ST7: variants seen among roughly 807,000 people sequenced by gnomAD.
ST7 encodes suppression of tumorigenicity 7, also known as suppressor of tumorigenicity 7 protein.
ST7 carries 28 observed loss-of-function variants against 78.7 expected under a neutral mutation model. The ratio of observed to expected loss-of-function variants is 0.36; its 90% confidence interval spans 0.26 to 0.49. The LOEUF (loss-of-function observed/expected upper bound fraction) is 0.49. Ranked by LOEUF, ST7 falls within the 20% of genes least tolerant of loss-of-function variation. ST7 has a pLI of 0.99. For synonymous variants in ST7, 247 were observed against 249.6 expected (o/e 0.99, Z 0.10); for missense variants, 418 against 696.0 (o/e 0.60, Z 4.49).
rs35196356 is a variant in ST7 at position 117,222,922 on chromosome 7, G to T, written c.1638+860G>T. ...TGGAATTGCAAGAGTATTTTCATGCGTGTTGAAGATGAACTGGAAATCCCT... is the reference window on the plus strand; with the variant it reads ...TGGAATTGCAAGAGTATTTTCATGCTTGTTGAAGATGAACTGGAAATCCCT... On this transcript the variant is annotated intron_variant, in intron 15 of 15. Transcript: ENST00000323984. The T allele has an allele frequency of 9.6e-3, 15,473 of 1,614,050 alleles. 106 individuals are homozygous for T. Among genetic ancestry groups the T allele is most frequent in the Non-Finnish European group, 0.012 (13,636 of 1,179,964 alleles).
chr7:117,137,762 A>G (rs1241861379), intron 8 of ST7, among the ~76,000 whole-genome samples: 2 of 152,212 alleles, frequency 1.3e-5, no homozygotes, highest in Admixed American at 6.5e-5. Context: ...GTCTGAAAAC[A>G]TATCCAACAA....
intron 1 of ST7, among the ~76,000 whole-genome samples, chr7:117,012,660 A>C (rs1048891333): frequency 3.3e-5 from 5 of 152,198 alleles, no homozygotes; most frequent in African/African-American, 4.8e-5. Flanking sequence ...GTAAGTAAGT[A>C]AACCAAGGCT....
chr7:117,065,488 C>T (rs925469271), intron 1 of ST7, among the ~76,000 whole-genome samples: 1 of 152,138 alleles, frequency 6.6e-6, no homozygotes, highest in Non-Finnish European at 1.5e-5. Context: ...GGATTACAGG[C>T]GTGAGCCACT....
At chr7:117,168,605 G>C (rs1807743482) in intron 9 of ST7, among the ~76,000 whole-genome samples, 1 of 152,188 alleles carries the variant, frequency 6.6e-6, no homozygotes, top group African/African-American at 2.4e-5. Context: ...GTGTGGTATA[G>C]TCTTATTCAC....
chr7:116,958,876 A>G (rs957961687), intron 1 of ST7, among the ~76,000 whole-genome samples: 1 of 152,062 alleles, frequency 6.6e-6, no homozygotes, highest in African/African-American at 2.4e-5. Flanking sequence ...TTGCTGGTAG[A>G]GAGTCTTGCC....
At chr7:117,015,120 A>G (rs1259739410) in intron 1 of ST7, 15 of 542,962 alleles carry the variant, frequency 2.8e-5, no homozygotes, top group African/African-American at 3.9e-5. Flanking sequence ...TACTTTAAAA[A>G]TATTGTGCAT....
intron 1 of ST7, chr7:117,072,634 G>A (rs1483572548): frequency 6.6e-6 from 1 of 152,172 alleles, no homozygotes; most frequent in Non-Finnish European, 1.5e-5. Context: ...AAAACTAGAT[G>A]TAGAAATACA....
At chr7:117,030,207 C>T (rs1460869349) in intron 1 of ST7, among the ~76,000 whole-genome samples, 1 of 151,986 alleles carries the variant, frequency 6.6e-6, no homozygotes, top group Admixed American at 6.6e-5. Context: ...ATGGTGAAAC[C>T]AGTTATAAAA....
At chr7:117,155,894 CT>C (rs1440504771) in intron 9 of ST7, among the ~76,000 whole-genome samples, 3 of 152,326 alleles carry the variant, frequency 2.0e-5, no homozygotes, top group Admixed American at 2.0e-4. Context: ...GAATACACCA[CT>C]CATTCCCACC....
chr7:117,200,187 A>G (rs940640851), intron 12 of ST7, among the ~76,000 whole-genome samples: 10 of 152,140 alleles, frequency 6.6e-5, no homozygotes, highest in Non-Finnish European at 1.2e-4. Flanking sequence ...TCCTCTCCTA[A>G]TTCAGTCTTA....
chr7:117,030,646 C>A (rs1796428878), intron 1 of ST7, among the ~76,000 whole-genome samples: 1 of 152,152 alleles, frequency 6.6e-6, no homozygotes, highest in African/African-American at 2.4e-5. Flanking sequence ...CATACCATCT[C>A]ATACCAGTCA....
chr7:116,972,233 T>C (rs1026713295), intron 1 of ST7: 5 of 532,310 alleles, frequency 9.4e-6, no homozygotes, highest in African/African-American at 5.7e-5. Flanking sequence ...TGTCCTTTGG[T>C]GCATTTGAGT....
chr7:116,972,849 T>G (rs915789454), intron 1 of ST7: 1 of 1,173,918 alleles, frequency 8.5e-7, no homozygotes, highest in Non-Finnish European at 1.3e-6. Flanking sequence ...CTGCATCATC[T>G]GCCTGCTGCT....
At chr7:117,198,677 C>A (rs1261645031) in intron 12 of ST7, 1 of 169,572 alleles carries the variant, frequency 5.9e-6, no homozygotes, top group African/African-American at 2.4e-5. Flanking sequence ...CACTTCACGT[C>A]TGGTATGAAA....
intron 1 of ST7, among the ~76,000 whole-genome samples, chr7:117,050,928 C>CAAAAAAA (rs11302280): frequency 8.9e-6 from 1 of 112,184 alleles, no homozygotes; most frequent in African/African-American, 3.2e-5. Context: ...GACTACGTCT[C>CAAAAAAA]AAAAAAAAAA....
chr7:117,092,089 C>T (rs547686258), intron 1 of ST7, among the ~76,000 whole-genome samples: 3 of 152,026 alleles, frequency 2.0e-5, no homozygotes, highest in Non-Finnish European at 2.9e-5. Flanking sequence ...AAGCAAGTCC[C>T]GTACTCCATG....
chr7:117,104,497 A>T (rs1801807780), intron 2 of ST7, among the ~76,000 whole-genome samples: 1 of 152,212 alleles, frequency 6.6e-6, no homozygotes, highest in African/African-American at 2.4e-5. Flanking sequence ...ATGTGGAGAA[A>T]GGGGTACTCT....
chr7:117,138,403 T>A (rs780050876), intron 8 of ST7, 32 bp from the exon 9 acceptor site: 73 of 1,379,740 alleles, frequency 5.3e-5, no homozygotes, highest in East Asian at 1.0e-4. Flanking sequence ...TTTTTTTTTT[T>A]AAATGTTGGT....
intron 3 of ST7, 84 bp downstream of exon 3, chr7:117,119,804 G>T: frequency 6.8e-7 from 1 of 1,480,886 alleles, no homozygotes. Flanking sequence ...GATTAAGAAT[G>T]TTGTTATTTA....
Sources: allele counts gnomAD v4.1 joint callset (sites outside exome capture counted in the v4.1 genomes callset), GRCh38; gene constraint gnomAD v4.1.1; transcripts MANE v1.5; gene names NCBI Gene and HGNC (gene_info 2026-07-23, HGNC 2026-07-21).